The following CACNA1C variants were observed in gnomAD, a reference collection of about 807,000 sequenced individuals.
CACNA1C encodes the protein calcium voltage-gated channel subunit alpha1 C.
A neutral mutation model predicts 229.0 loss-of-function variants in CACNA1C; 30 were observed. The observed-to-expected ratio is 0.13, with a 90% confidence interval of 0.10 to 0.18. The LOEUF (loss-of-function observed/expected upper bound fraction) is 0.18. CACNA1C is among the 10% of genes least tolerant of loss of function. The probability of loss-of-function intolerance (pLI) is 1.00; values close to 1 mark genes in which losing one functional copy is unlikely to be tolerated. For missense variants in CACNA1C, 1,658 were observed against 2,845.0 expected (o/e 0.58, Z 9.49); for synonymous variants, 1,114 against 1,132.5 (o/e 0.98, Z 0.33).
At chr12:2,360,502 A>G (rs2097532137) in intron 3 of CACNA1C, among the ~76,000 whole-genome samples, 1 of 152,176 alleles carries the variant, frequency 6.6e-6, no homozygotes, top group Admixed American at 6.5e-5. Context: ...CCATGTTTTT[A>G]TCTGGACTTC....
At chr12:2,500,835 G>A (rs2099757958) in intron 7 of CACNA1C, among the ~76,000 whole-genome samples, 1 of 152,150 alleles carries the variant, frequency 6.6e-6, no homozygotes, top group Non-Finnish European at 1.5e-5. Context: ...GCAGGATGCT[G>A]TGTGTGTGCA....
At chr12:2,141,900 A>C (rs1597142043) in intron 3 of CACNA1C, among the ~76,000 whole-genome samples, 1 of 151,390 alleles carries the variant, frequency 6.6e-6, no homozygotes, top group Admixed American at 6.6e-5. Context: ...AGCCATAATA[A>C]CCCAGCCTGC....
rs1026575877 is a variant in CACNA1C, at chr12:2,691,847, C to G, written c.*648C>G. 1 of 8,818 alleles carries G rather than the reference C, an allele frequency of 1.1e-4. No homozygotes were observed. The highest frequency in any genetic ancestry group is 3.9e-4 in the African/African-American group (1 of 2,596). 0.5% of individuals were successfully genotyped at this position (8,818 alleles called of 1,614,324 possible). ...GCCCGCAGGCAGCGCGAGGGAGGAG[C>G]TGCGCCGCCGGCTCCGCCCAACCAG... On this transcript the variant is annotated 3_prime_UTR_variant, in exon 47 of 47. Transcript: ENST00000399655.
In CACNA1C at chr12:2,486,313, C is replaced by T; in HGVS notation, c.916+51C>T. The T allele has an allele frequency of 1.3e-6, 2 of 1,508,732 alleles. No individual in the cohort carries two copies. The highest frequency in any genetic ancestry group is 1.8e-6 in the Non-Finnish European group (2 of 1,103,098). 93.5% of individuals were successfully genotyped at this position (1,508,732 alleles called of 1,614,324 possible). ...CCAAGGCCCTGCCCTCTATCGCTCC[C>T]AGCACCTTTCCCGCTGCTGGCTACA... is the stretch of plus-strand genomic sequence containing the variant. On this transcript the variant is annotated intron_variant, in intron 6 of 46. Transcript: ENST00000399655. This position sits in a 1 kb window ranked among gnomAD's most constrained non-coding sequence, Gnocchi z 4.9.
intron 3 of CACNA1C, among the ~76,000 whole-genome samples, chr12:2,375,861 G>A (rs1435170230): frequency 6.6e-6 from 1 of 152,368 alleles, no homozygotes; most frequent in African/African-American, 2.4e-5. Flanking sequence ...CAAAGTGGAA[G>A]ACGTTGACCA....
chr12:2,596,180 A>G, intron 20 of CACNA1C, 177 bp downstream of exon 20: 1 of 520,700 alleles, frequency 1.9e-6, no homozygotes, highest in Non-Finnish European at 3.2e-6. Context: ...CTAGGACCAC[A>G]AGCAAATAAA....
At chr12:2,474,440 G>C (rs1325369858) in intron 5 of CACNA1C, among the ~76,000 whole-genome samples, 1 of 152,156 alleles carries the variant, frequency 6.6e-6, no homozygotes, top group Non-Finnish European at 1.5e-5. Context: ...GGTGGATCCC[G>C]TAGGTAGTTT....
chr12:2,258,052 G>A, intron 3 of CACNA1C, among the ~76,000 whole-genome samples: 1 of 152,238 alleles, frequency 6.6e-6, no homozygotes, highest in East Asian at 1.9e-4. Flanking sequence ...AGAGAAGAGG[G>A]AGGCAGAGTT....
At chr12:2,663,417 C>T (rs529236721) in intron 34 of CACNA1C, among the ~76,000 whole-genome samples, 1 of 152,294 alleles carries the variant, frequency 6.6e-6, no homozygotes, top group African/African-American at 2.4e-5. Context: ...TATGAAGATT[C>T]CTTAAAGAAC....
At chr12:2,114,750 A>G (rs1046252286) in intron 1 of CACNA1C, among the ~76,000 whole-genome samples, 1 of 152,200 alleles carries the variant, frequency 6.6e-6, no homozygotes, top group Non-Finnish European at 1.5e-5. Flanking sequence ...GTGACCTCTC[A>G]TATTCACTCA....
chr12:2,679,288 C>G lies in CACNA1C; in HGVS notation c.5092-156C>G, dbSNP rs2096996130. Among the ~76,000 whole-genome samples the G allele has an allele frequency of 6.6e-6, 1 of 152,194 alleles. No individual in the cohort carries two copies. Among genetic ancestry groups the G allele is most frequent in the African/African-American group, 2.4e-5 (1 of 41,462 alleles). Reference sequence around the variant, plus strand: ...AGCAGCCAGGCATGAAGAAGGTCCTCAGGTGCTCCTGGCTCCCAGCAGGGC... The same window carrying G: ...AGCAGCCAGGCATGAAGAAGGTCCTGAGGTGCTCCTGGCTCCCAGCAGGGC... On this transcript the variant is annotated intron_variant, in intron 41 of 46. Coordinates refer to ENST00000399655, the MANE Select transcript of CACNA1C (RefSeq NM_000719.7). This position sits in a 1 kb window ranked among gnomAD's most constrained non-coding sequence, Gnocchi z 5.5.
rs58270510 is a variant in CACNA1C at position 2,550,810 on chromosome 12, C to A, written c.1481+777C>A. ...GTGGAAGAGTCTAAACACAGCAATG[C>A]CGGCCTTGAGCGTGGCCTGGGAGCC... On this transcript the variant is annotated intron_variant, in intron 10 of 46. Coordinates refer to ENST00000399655, the MANE Select transcript of CACNA1C (RefSeq NM_000719.7). 0.01 allele frequency: 6,057 copies of A among 594,178 alleles called. 300 individuals are homozygous for A. In the African/African-American group the frequency reaches 0.11, roughly 11 times the overall value. 36.8% of individuals were successfully genotyped at this position (594,178 alleles called of 1,614,324 possible).
intron 9 of CACNA1C, among the ~76,000 whole-genome samples, chr12:2,545,405 CCATTATGCTCCTCATCTTCTT>C (rs1318058237): frequency 1.3e-5 from 2 of 152,036 alleles, no homozygotes; most frequent in Non-Finnish European, 2.9e-5. Flanking sequence ...CCATGGCCTG[CCATTATGCTCCTCATCTTCTT>C]CATTATGCTC....
chr12:2,090,278 GCT>G (rs2070085047), intron 1 of CACNA1C, among the ~76,000 whole-genome samples: 1 of 148,970 alleles, frequency 6.7e-6, no homozygotes. Flanking sequence ...GCTTTTAAAG[GCT>G]GAATAATAGT....
rs777945001 is a variant in CACNA1C at position 2,567,592 on chromosome 12, G to A, written c.1693G>A (p.Ala565Thr). 29 of 1,596,520 alleles carry A rather than the reference G, an allele frequency of 1.8e-5. No individual in the cohort carries two copies. In the South Asian group the frequency reaches 3.2e-4, roughly 18 times the overall value. The change falls in exon 13 of 47, where the codon GCC (alanine) becomes ACC (threonine). Residue 565 changes from alanine (A) to threonine (T), a missense_variant. Around this residue, in one of 20 missense-constraint regions of CACNA1C, gnomAD observed 149 missense variants for 194.2 expected, o/e 0.77. Coordinates refer to ENST00000399655, the MANE Select transcript of CACNA1C (RefSeq NM_000719.7). ...AGACACGGCAAACAAGGCCCTGCTG[G>A]CCCTGTTCACGGCAGAGATGCTCCT... ...VQDTANKALLALFTAEMLLKM... is the reference protein window; with the variant it reads ...VQDTANKALLTLFTAEMLLKM...
chr12:2,578,451 G>A (rs1263917728), intron 13 of CACNA1C, among the ~76,000 whole-genome samples: 1 of 152,140 alleles, frequency 6.6e-6, no homozygotes, highest in African/African-American at 2.4e-5. Context: ...GAGGAGAAGG[G>A]GAGGTGACTG....
In CACNA1C at chr12:2,144,376, A is replaced by C. The variant is rs75632387; in HGVS notation, c.477+23946A>C. 9.9e-3 allele frequency among the ~76,000 whole-genome samples: 1,499 copies of C among 151,372 alleles called. 37 individuals are homozygous for C. The highest frequency in any genetic ancestry group is 0.034 in the African/African-American group (1,410 of 41,494). On this transcript the variant is annotated intron_variant, in intron 3 of 46. Transcript: ENST00000399655. ...TCCATGTGAAAGATATCATTTTGAC[A>C]TATAAACACAGAATTTCCAAAGTTC...
Position 2,136,062 on chromosome 12 carries a change from C to T in CACNA1C, c.477+15632C>T, listed in dbSNP as rs560651529. Among the ~76,000 whole-genome samples the T allele has an allele frequency of 5.2e-3, 783 of 150,748 alleles. 17 individuals carry two copies. Among genetic ancestry groups the T allele is most frequent in the South Asian group, 0.015 (73 of 4,714 alleles). Reference sequence around the variant, plus strand: ...AGCGCAATATTCGGGTGGGAGTGACCCAATTTTCCAGGTGCGTCCGTCACC... The same window carrying T: ...AGCGCAATATTCGGGTGGGAGTGACTCAATTTTCCAGGTGCGTCCGTCACC... On this transcript the variant is annotated intron_variant, in intron 3 of 46. Transcript: ENST00000399655.
chr12:1,997,407 C>T (rs560355858), intron 1 of CACNA1C, among the ~76,000 whole-genome samples: 45 of 152,336 alleles, frequency 3.0e-4, no homozygotes, highest in African/African-American at 1.1e-3. Context: ...GTAATCCCAG[C>T]TACTCAGAAG....
Sources: allele counts gnomAD v4.1 joint callset (sites outside exome capture counted in the v4.1 genomes callset), GRCh38; gene constraint gnomAD v4.1.1; regional missense constraint gnomAD v4.1.1; non-coding constraint Gnocchi (gnomAD v3.1); transcripts MANE v1.5; gene names NCBI Gene and HGNC (gene_info 2026-07-23, HGNC 2026-07-21).